Variants in ZBTB20 observed in about 807,000 individuals in gnomAD.
ZBTB20 encodes the protein zinc finger and BTB domain containing 20, also known as zinc finger and BTB domain-containing protein 20.
A neutral mutation model predicts 56.9 loss-of-function variants in ZBTB20; 9 were observed. That is an observed-to-expected ratio of 0.16 (90% CI 0.10 to 0.28). The LOEUF (loss-of-function observed/expected upper bound fraction) is 0.28, where lower values mean the gene tolerates loss of function less well. ZBTB20 is among the 10% of genes least tolerant of loss of function. The pLI is 1.00. For missense variants in ZBTB20, 655 were observed against 1,003.0 expected (o/e 0.65, Z 4.69); for synonymous variants, 417 against 420.7 (o/e 0.99, Z 0.11).
At chr3:114,803,073 TTTC>T (rs2108847556) in intron 4 of ZBTB20, among the ~76,000 whole-genome samples, 1 of 151,842 alleles carries the variant, frequency 6.6e-6, no homozygotes, top group East Asian at 1.9e-4. Flanking sequence ...CTTTGATCTT[TTTC>T]TTCTATTTCT....
chr3:114,796,892 C>G (rs1274746114), intron 5 of ZBTB20, among the ~76,000 whole-genome samples: 1 of 151,826 alleles, frequency 6.6e-6, no homozygotes, highest in Non-Finnish European at 1.5e-5. Flanking sequence ...ATATAAATTT[C>G]TGAGTTATCC....
At chr3:114,576,774 T>C (rs1577698580) in intron 6 of ZBTB20, among the ~76,000 whole-genome samples, 1 of 100,470 alleles carries the variant, frequency 1.0e-5, no homozygotes, top group African/African-American at 3.3e-5. Context: ...GCTAAAAAGG[T>C]AATCACACAT....
intron 7 of ZBTB20, among the ~76,000 whole-genome samples, chr3:114,491,175 CT>C (rs780504849): frequency 3.9e-5 from 6 of 152,328 alleles, no homozygotes; most frequent in Admixed American, 2.0e-4. Flanking sequence ...AAACAAGAAG[CT>C]AAAACTCCTA....
intron 7 of ZBTB20, among the ~76,000 whole-genome samples, chr3:114,498,497 G>C (rs1249937632): frequency 6.6e-6 from 1 of 152,120 alleles, no homozygotes; most frequent in Non-Finnish European, 1.5e-5. Flanking sequence ...CACCACTCTG[G>C]AGCCATCAAC....
intron 4 of ZBTB20, among the ~76,000 whole-genome samples, chr3:114,844,520 CAAAAAAAAAA>C (rs71146342): frequency 0.028 from 647 of 22,796 alleles, 8 homozygotes; most frequent in Admixed American, 0.037. Flanking sequence ...GTCCCTGTCT[CAAAAAAAAAA>C]AAAAAAAAAA....
At chr3:114,609,015 T>C (rs1265511456) in intron 6 of ZBTB20, among the ~76,000 whole-genome samples, 1 of 152,230 alleles carries the variant, frequency 6.6e-6, no homozygotes, top group African/African-American at 2.4e-5. Flanking sequence ...TATACCTTTT[T>C]GACAGGCAGA....
chr3:115,146,936 G>C (rs6798208), intron 1 of ZBTB20, among the ~76,000 whole-genome samples: 1 of 150,912 alleles, frequency 6.6e-6, no homozygotes, highest in East Asian at 2.0e-4. Context: ...CCTCCCCGCC[G>C]GGTCGGGCGA....
chr3:114,692,568 A>G (rs1385952170), intron 6 of ZBTB20, among the ~76,000 whole-genome samples: 3 of 152,172 alleles, frequency 2.0e-5, no homozygotes, highest in African/African-American at 7.2e-5. Context: ...ACAGGCCTAG[A>G]TGGAGCCAGG....
chr3:115,128,337 C>T (rs2084394607), intron 1 of ZBTB20, among the ~76,000 whole-genome samples: 1 of 152,098 alleles, frequency 6.6e-6, no homozygotes, highest in Non-Finnish European at 1.5e-5. Flanking sequence ...GTTGTTTCTA[C>T]TAGCCTTGCC....
intron 11 of ZBTB20, among the ~76,000 whole-genome samples, chr3:114,344,735 C>A (rs2080052734): frequency 6.6e-6 from 1 of 152,206 alleles, no homozygotes; most frequent in Non-Finnish European, 1.5e-5. Context: ...ATAGTCCAAG[C>A]TCCATATGAG....
At chr3:115,057,418 A>G (rs972459436) in intron 2 of ZBTB20, among the ~76,000 whole-genome samples, 1 of 152,138 alleles carries the variant, frequency 6.6e-6, no homozygotes, top group African/African-American at 2.4e-5. Context: ...CTACCTTGAA[A>G]TAATAATATA....
At position 114,923,663 on chromosome 3, in the gene ZBTB20, T is replaced by G. The variant is rs1321812650; in HGVS notation, c.-455-23321A>C. On this transcript the variant is annotated intron_variant, in intron 3 of 11. Coordinates refer to ENST00000675478, the MANE Select transcript of ZBTB20 (RefSeq NM_001348800.3). ...CCTTGACATTGGTCTTGGCAAAGAG[T>G]TTTTGGATATTGACACGAAAAGCAC... is the stretch of plus-strand genomic sequence containing the variant. 1.6e-4 allele frequency among the ~76,000 whole-genome samples: 24 copies of G among 149,854 alleles called. 1 individual carries two copies. The highest frequency in any genetic ancestry group is 5.9e-4 in the East Asian group (3 of 5,116).
At chr3:114,378,163 C>G (rs2083879955) in intron 10 of ZBTB20, among the ~76,000 whole-genome samples, 1 of 151,858 alleles carries the variant, frequency 6.6e-6, no homozygotes, top group African/African-American at 2.4e-5. Context: ...TAAAATAAAC[C>G]TTTTTCCTGT....
intron 6 of ZBTB20, among the ~76,000 whole-genome samples, chr3:114,618,359 G>A (rs1331674366): frequency 6.6e-6 from 1 of 150,408 alleles, no homozygotes; most frequent in African/African-American, 2.4e-5. Flanking sequence ...AAGGGATAAG[G>A]GATCCTCCCA....
chr3:114,441,176 T>G (rs896748368), intron 7 of ZBTB20, among the ~76,000 whole-genome samples: 1 of 152,176 alleles, frequency 6.6e-6, no homozygotes, highest in Non-Finnish European at 1.5e-5. Flanking sequence ...TTTATTTTGA[T>G]AAATTCTAAA....
At chr3:114,639,764 TCATTTTCTGATAGTCTG>T (rs1373935678) in intron 6 of ZBTB20, among the ~76,000 whole-genome samples, 1 of 152,034 alleles carries the variant, frequency 6.6e-6, no homozygotes, top group African/African-American at 2.4e-5. Flanking sequence ...TCTGTCTCTA[TCATTTTCTGATAGTCTG>T]TTTACACATG....
At chr3:115,020,272 T>C (rs1258201633) in intron 2 of ZBTB20, among the ~76,000 whole-genome samples, 1 of 151,176 alleles carries the variant, frequency 6.6e-6, no homozygotes, top group Non-Finnish European at 1.5e-5. Flanking sequence ...TGTGTGAGCA[T>C]GGTTATGCTA....
chr3:114,566,014 C>CT (rs539761371), intron 6 of ZBTB20, among the ~76,000 whole-genome samples: 6 of 143,444 alleles, frequency 4.2e-5, no homozygotes, highest in African/African-American at 8.4e-5. Context: ...CTTTTTTTTT[C>CT]TTTTTTTAAA....
chr3:114,896,085 T>C (rs1000850698), intron 4 of ZBTB20, among the ~76,000 whole-genome samples: 7 of 152,176 alleles, frequency 4.6e-5, no homozygotes, highest in African/African-American at 1.7e-4. Context: ...AAGCAGTAGA[T>C]GTGTTCTTGC....
Sources: allele counts gnomAD v4.1 joint callset (sites outside exome capture counted in the v4.1 genomes callset), GRCh38; gene constraint gnomAD v4.1.1; transcripts MANE v1.5; gene names NCBI Gene and HGNC (gene_info 2026-07-23, HGNC 2026-07-21).